CD2AP: variants seen among roughly 807,000 people sequenced by gnomAD.
CD2AP encodes the protein CD2 associated protein.
A neutral mutation model predicts 85.1 loss-of-function variants in CD2AP; 46 were observed. The ratio of observed to expected loss-of-function variants is 0.54; its 90% CI spans 0.43 to 0.69. The LOEUF (loss-of-function observed/expected upper bound fraction) is 0.69, where lower values mean the gene tolerates loss of function less well. Ranked by LOEUF, CD2AP falls within the 30% of genes least tolerant of loss-of-function variation. CD2AP has a pLI of 0.00. For missense variants in CD2AP, 769 were observed against 729.5 expected (o/e 1.05, Z -0.62); for synonymous variants, 255 against 252.9 (o/e 1.01, Z -0.08).
intron 13 of CD2AP, among the ~76,000 whole-genome samples, chr6:47,601,938 A>G (rs755019996): frequency 1.8e-4 from 28 of 151,928 alleles, no homozygotes; most frequent in Non-Finnish European, 3.8e-4. Flanking sequence ...CCCTTAACTA[A>G]CAATGGAATG....
intron 2 of CD2AP, among the ~76,000 whole-genome samples, chr6:47,525,801 A>G (rs1440088182): frequency 2.0e-5 from 3 of 152,116 alleles, no homozygotes; most frequent in Non-Finnish European, 4.4e-5. Context: ...TCAGTATAGC[A>G]CATTCTTATC....
intron 1 of CD2AP, among the ~76,000 whole-genome samples, chr6:47,488,526 G>A (rs914867339): frequency 4.6e-5 from 7 of 151,964 alleles, no homozygotes; most frequent in Non-Finnish European, 1.0e-4. Flanking sequence ...TAATGAGATA[G>A]CTTACATTTT....
intron 2 of CD2AP, among the ~76,000 whole-genome samples, chr6:47,526,722 G>C (rs1766739478): frequency 6.6e-6 from 1 of 152,126 alleles, no homozygotes; most frequent in African/African-American, 2.4e-5. Flanking sequence ...TTACTTTCAA[G>C]AGGAACAGGA....
rs564712167 is a variant in CD2AP at position 47,625,212 on chromosome 6, C to T, written c.*985C>T. ...TAATAATGGTAATAGGAAAACAAAA[C>T]CCAAAGCTTTTCAGAACTTCAGTGT... is the stretch of plus-strand genomic sequence containing the variant. On this transcript the variant is annotated 3_prime_UTR_variant, in exon 18 of 18. Transcript: ENST00000359314. 8.9e-4 allele frequency: 135 copies of T among 151,896 alleles called. 1 individual carries two copies. The highest frequency in any genetic ancestry group is 3.2e-3 in the African/African-American group (131 of 41,514). The allele number at this position is 151,896 out of a possible 1,614,324, so 9.4% of individuals were successfully genotyped here.
intron 17 of CD2AP, among the ~76,000 whole-genome samples, chr6:47,616,217 G>A (rs780174128): frequency 3.3e-5 from 5 of 149,510 alleles, no homozygotes; most frequent in South Asian, 2.1e-4. Flanking sequence ...TCAGCCTCCC[G>A]GGTAGCTAGG....
chr6:47,514,151 T>G (rs1766392171), intron 2 of CD2AP, among the ~76,000 whole-genome samples: 1 of 152,236 alleles, frequency 6.6e-6, no homozygotes, highest in African/African-American at 2.4e-5. Context: ...GTGACTTGTC[T>G]AAGTATAAAC....
chr6:47,572,337 C>T (rs1020483586), intron 5 of CD2AP, among the ~76,000 whole-genome samples: 30 of 152,238 alleles, frequency 2.0e-4, no homozygotes, highest in African/African-American at 6.3e-4. Context: ...TTACATGGTG[C>T]GACATTTGTC....
At chr6:47,554,848 T>C (rs1256734125) in intron 5 of CD2AP, 82 bp downstream of exon 5, 9 of 1,369,936 alleles carry the variant, frequency 6.6e-6, no homozygotes, top group South Asian at 1.4e-5. Flanking sequence ...TTTTTGAAAC[T>C]CTGTTCTTTC....
intron 17 of CD2AP, among the ~76,000 whole-genome samples, chr6:47,616,000 G>T (rs1464904244): frequency 5.4e-5 from 8 of 149,126 alleles, no homozygotes; most frequent in African/African-American, 1.7e-4. Flanking sequence ...AGCCAGGGTG[G>T]TCTTGAACTC....
At chr6:47,604,855 T>A (rs1769227468) in intron 13 of CD2AP, among the ~76,000 whole-genome samples, 1 of 152,026 alleles carries the variant, frequency 6.6e-6, no homozygotes, top group Admixed American at 6.6e-5. Flanking sequence ...TCTGTTTTAA[T>A]GAATCAGCTT....
chr6:47,580,041 A>C (rs1582585071), intron 9 of CD2AP: 1 of 156,720 alleles, frequency 6.4e-6, no homozygotes, highest in Non-Finnish European at 1.4e-5. Flanking sequence ...ATAGAGGGAA[A>C]GAGCATCAAC....
At chr6:47,575,445 C>G (rs756953001) in intron 6 of CD2AP, among the ~76,000 whole-genome samples, 17 of 152,098 alleles carry the variant, frequency 1.1e-4, no homozygotes, top group Non-Finnish European at 2.2e-4. Context: ...TGACTGTAGT[C>G]TCAGGGTTAC....
intron 6 of CD2AP, among the ~76,000 whole-genome samples, chr6:47,574,848 A>C (rs1320929366): frequency 6.6e-6 from 1 of 152,106 alleles, no homozygotes; most frequent in Middle Eastern, 3.2e-3. Context: ...ATAAAACCTT[A>C]AGCTGTTAAT....
chr6:47,624,166 A>AT lies in CD2AP; in HGVS notation c.1879-17dup, dbSNP rs776597780. ...ACTAAGGATATTTTATGTTTGCTCA[A>AT]TTTATGTTTTTTGTTTTAGATGGAA... On this transcript the variant is annotated intron_variant, in intron 17 of 17. Coordinates refer to ENST00000359314, the MANE Select transcript of CD2AP (RefSeq NM_012120.3). The AT allele has an allele frequency of 3.1e-6, 5 of 1,589,408 alleles. No individual in the cohort carries two copies. The South Asian group carries it at 5.5e-5, about 18-fold the overall frequency.
At chr6:47,556,506 C>A (rs1285808070) in intron 5 of CD2AP, among the ~76,000 whole-genome samples, 2 of 152,042 alleles carry the variant, frequency 1.3e-5, no homozygotes, top group Non-Finnish European at 2.9e-5. Flanking sequence ...TGCCACCACG[C>A]CCAGCTAATT....
intron 2 of CD2AP, among the ~76,000 whole-genome samples, chr6:47,528,814 A>T (rs967568392): frequency 6.6e-6 from 1 of 152,008 alleles, no homozygotes; most frequent in Admixed American, 6.6e-5. Context: ...GATCACAGAG[A>T]TTTTTTTGGA....
Position 47,595,927 on chromosome 6 carries a change from C to G in CD2AP, c.1175C>G (p.Pro392Arg). The change falls in exon 12 of 18, where the codon CCT becomes CGT. Residue 392 changes from proline (P) to arginine (R), a missense_variant. Coordinates refer to ENST00000359314, the MANE Select transcript of CD2AP (RefSeq NM_012120.3). ...PAAPQVPPKK[P>R]TPPTKASNLL... The stretch of plus-strand genomic sequence containing the variant: ...GCTCCACAAGTCCCACCCAAGAAAC[C>G]TACTCCACCTACCAAAGCCAGTAAT... 1.2e-6 allele frequency: 2 copies of G among 1,612,766 alleles called. No homozygotes were observed. The highest frequency in any genetic ancestry group is 1.1e-5 in the South Asian group (1 of 91,042).
At chr6:47,517,250 G>T (rs1488512636) in intron 2 of CD2AP, among the ~76,000 whole-genome samples, 1 of 151,318 alleles carries the variant, frequency 6.6e-6, no homozygotes, top group Non-Finnish European at 1.5e-5. Flanking sequence ...AGCCATGCTT[G>T]TATAGCTTGC....
In CD2AP at chr6:47,609,166, A is replaced by G. The variant is rs1159652349; in HGVS notation, c.1676A>G (p.Asn559Ser). ...LSTPSSASKA[N>S]TTAFLTPLEI... ...ACACCTTCCAGTGCTTCTAAAGCAA[A>G]TACAACTGCTTTCCTGACTCCATTA... Residue 559 changes from asparagine to serine, a missense_variant, in exon 16 of 18, where the codon AAT (asparagine) becomes AGT (serine). Asn to Ser is a conservative substitution (Grantham distance 46, BLOSUM62 1). Transcript: ENST00000359314. 6.2e-7 allele frequency: 1 copy of G among 1,613,310 alleles called. No individual in the cohort carries two copies. Among genetic ancestry groups the G allele is most frequent in the Non-Finnish European group, 8.5e-7 (1 of 1,179,626 alleles).
Sources: allele counts gnomAD v4.1 joint callset (sites outside exome capture counted in the v4.1 genomes callset), GRCh38; gene constraint gnomAD v4.1.1; transcripts MANE v1.5; gene names NCBI Gene and HGNC (gene_info 2026-07-23, HGNC 2026-07-21).